The following PTCH1 variants were observed in gnomAD, a reference collection of about 807,000 sequenced individuals.
The protein encoded by PTCH1 is protein patched homolog 1.
PTCH1 carries 14 observed loss-of-function variants against 144.6 expected under a neutral mutation model. The ratio of observed to expected loss-of-function variants is 0.10; its 90% CI spans 0.06 to 0.15. The LOEUF (loss-of-function observed/expected upper bound fraction) is 0.15. Ranked by LOEUF, PTCH1 falls within the 10% of genes least tolerant of loss-of-function variation. The probability of loss-of-function intolerance (pLI) is 1.00; values close to 1 mark genes in which losing one functional copy is unlikely to be tolerated. For synonymous variants in PTCH1, 833 were observed against 793.6 expected, an observed-to-expected ratio of 1.05 and a Z score of -0.83; for missense variants, 1,623 against 1,948.3, an observed-to-expected ratio of 0.83 and a Z score of 3.14.
In PTCH1 at chr9:95,478,156, T is replaced by C. The variant is rs952195482; in HGVS notation, c.1246A>G (p.Thr416Ala). ...GTGGTGAAGGAAAGCACCTTTTGAG[T>C]GGAGTTCTGTGCGACACTCTGATGA... ...VVHQSVAQNSTQKVLSFTTTT... is the reference protein window; with the variant it reads ...VVHQSVAQNSAQKVLSFTTTT... Residue 416 changes from threonine (T) to alanine (A), a missense_variant, in exon 9 of 24, where the codon ACT (threonine) becomes GCT (alanine). This residue lies in a region of PTCH1 where 230 missense variants were observed against 271.0 expected (regional missense o/e 0.85). Transcript: ENST00000331920. The C allele has an allele frequency of 3.1e-6, 5 of 1,613,918 alleles. No individual in the cohort carries two copies. Among genetic ancestry groups the C allele is most frequent in the East Asian group, 2.2e-5 (1 of 44,870 alleles).
At chr9:95,515,640 C>A (rs535797915) in intron 1 of PTCH1, among the ~76,000 whole-genome samples, 2 of 152,308 alleles carry the variant, frequency 1.3e-5, no homozygotes, top group East Asian at 3.9e-4. Context: ...TCGGTCCGGC[C>A]CGCCCCCGGG....
chr9:95,507,835 C>T (rs1371960208), intron 1 of PTCH1: 1 of 958,764 alleles, frequency 1.0e-6, no homozygotes, highest in East Asian at 4.9e-5. Flanking sequence ...GCCGCGGCCG[C>T]CCTTGAGGTG....
At chr9:95,498,663 G>GA (rs572979502) in intron 2 of PTCH1, among the ~76,000 whole-genome samples, 119 of 148,046 alleles carry the variant, frequency 8.0e-4, no homozygotes, top group Non-Finnish European at 1.3e-3. Flanking sequence ...AATTTAAAGA[G>GA]AAAAAAAAAA....
intron 20 of PTCH1, chr9:95,451,006 G>A (rs185238085): frequency 1.7e-4 from 26 of 152,186 alleles, no homozygotes; most frequent in African/African-American, 6.3e-4. Context: ...TTCTGGGAAG[G>A]GGGGGGCAAG....
chr9:95,460,145 C>T lies in PTCH1; in HGVS notation c.2704-362G>A, dbSNP rs142609172. Among the ~76,000 whole-genome samples, 34 of 152,326 alleles carry T rather than the reference C, an allele frequency of 2.2e-4. 1 individual carries two copies. In the East Asian group the frequency reaches 6.2e-3, roughly 28 times the overall value. ...GAAACCTGGCAAGAATCCCCATGCA[C>T]GTCTGTGTGCAGTTAACCTCTGTTG... On this transcript the variant is annotated intron_variant, in intron 16 of 23. Coordinates refer to ENST00000331920, the MANE Select transcript of PTCH1 (RefSeq NM_000264.5).
chr9:95,476,189 C>T lies in PTCH1; in HGVS notation c.1603-30G>A, dbSNP rs1371348375. 6.2e-7 allele frequency: 1 copy of T among 1,601,754 alleles called. No homozygotes were observed. Among genetic ancestry groups the T allele is most frequent in the Admixed American group, 1.7e-5 (1 of 58,694 alleles). Reference sequence around the variant, plus strand: ...GAATAAAAAAACACAGCGCTGAGAGCTGCACTGGACATGGTCCCCTTGGAG... The same window carrying T: ...GAATAAAAAAACACAGCGCTGAGAGTTGCACTGGACATGGTCCCCTTGGAG... On this transcript the variant is annotated intron_variant, in intron 11 of 23. Coordinates refer to ENST00000331920, the MANE Select transcript of PTCH1 (RefSeq NM_000264.5). The surrounding 1 kb of genome is among the most constrained non-coding windows in gnomAD (Gnocchi z 4.6).
rs772406487 is a variant in PTCH1, at chr9:95,458,057, C to T, written c.3124G>A (p.Val1042Met). Residue 1042 changes from valine to methionine, a missense_variant, in exon 18 of 24, where the codon GTG (valine) becomes ATG (methionine). This residue lies in a region of PTCH1 where 504 missense variants were observed against 679.3 expected (regional missense o/e 0.74). Transcript: ENST00000331920. The surrounding 1 kb of genome is among the most constrained non-coding windows in gnomAD (Gnocchi z 4.7). Reference sequence around the variant, plus strand: ...GGGTTCAGAAGGAAGACAGCGCACACGAGGAATGTGCAGGCCAACACCACG... The same window carrying T: ...GGGTTCAGAAGGAAGACAGCGCACATGAGGAATGTGCAGGCCAACACCACG... ...ISVVLACTFLVCAVFLLNPWT... is the reference protein window; with the variant it reads ...ISVVLACTFLMCAVFLLNPWT... 7.4e-6 allele frequency: 12 copies of T among 1,614,052 alleles called. No individual in the cohort carries two copies. Among genetic ancestry groups the T allele is most frequent in the African/African-American group, 2.7e-5 (2 of 74,924 alleles).
At position 95,458,362 on chromosome 9, in the gene PTCH1, G is replaced by C; in HGVS notation, c.2888-69C>G. On this transcript the variant is annotated intron_variant, in intron 17 of 23. Coordinates refer to ENST00000331920, the MANE Select transcript of PTCH1 (RefSeq NM_000264.5). This position sits in a 1 kb window ranked among gnomAD's most constrained non-coding sequence, Gnocchi z 4.7. ...GAGCATCACAGTTTCAATGGAAAGA[G>C]AGAAGAACTTTGCATGAAAGCTTAC... 3 of 1,554,024 alleles carry C rather than the reference G, an allele frequency of 1.9e-6. No individual in the cohort carries two copies. Among genetic ancestry groups the C allele is most frequent in the Non-Finnish European group, 2.6e-6 (3 of 1,142,024 alleles).
chr9:95,506,643 GGCCCGCGCGCCCACGCCC>G (rs766776683), intron 1 of PTCH1, 44 bp from the exon 2 acceptor site: 1 of 1,429,262 alleles, frequency 7.0e-7, no homozygotes, highest in Admixed American at 2.0e-5. Context: ...GGGGAGTCGC[GGCCCGCGCGCCCACGCCC>G]GCTTGCGCGC....
upstream of PTCH1, among the ~76,000 whole-genome samples, chr9:95,512,802 G>A (rs895805942): frequency 5.9e-5 from 9 of 152,136 alleles, no homozygotes; most frequent in African/African-American, 2.2e-4. Flanking sequence ...TCTGCCTCTG[G>A]CACCCCTTGT....
intron 2 of PTCH1, among the ~76,000 whole-genome samples, chr9:95,486,658 C>T (rs142123834): frequency 2.6e-5 from 4 of 152,394 alleles, no homozygotes; most frequent in Non-Finnish European, 4.4e-5. Context: ...CTGGCCAGCA[C>T]GGGGTATGCC....
At chr9:95,511,501 CG>C (rs1844159717), upstream of PTCH1, among the ~76,000 whole-genome samples, 1 of 152,152 alleles carries the variant, frequency 6.6e-6, no homozygotes. Flanking sequence ...TCGCGGGATC[CG>C]GAGGGGGACC....
rs1319951080 is a variant in PTCH1, at chr9:95,445,190, A to C, written c.*1203T>G. 6.6e-6 allele frequency: 1 copy of C among 152,214 alleles called. No homozygotes were observed. The highest frequency in any genetic ancestry group is 1.5e-5 in the Non-Finnish European group (1 of 68,056). 9.4% of individuals were successfully genotyped at this position (152,214 alleles called of 1,614,324 possible). ...CTGCTCCATTTAAGAGAGGGAGTTT[A>C]AACTATAGGGACTCAAAACATCATT... On this transcript the variant is annotated 3_prime_UTR_variant, in exon 24 of 24. Transcript: ENST00000331920.
At chr9:95,498,937 C>T (rs1048592116) in intron 2 of PTCH1, among the ~76,000 whole-genome samples, 4 of 152,144 alleles carry the variant, frequency 2.6e-5, no homozygotes, top group African/African-American at 4.8e-5. Context: ...GGAATTCCAT[C>T]GTCTTCAATC....
At chr9:95,512,596 C>T (rs532577244), upstream of PTCH1, among the ~76,000 whole-genome samples, 1 of 152,294 alleles carries the variant, frequency 6.6e-6, no homozygotes, top group South Asian at 2.1e-4. Context: ...TAATGTTGTT[C>T]CTAATCAATC....
chr9:95,504,503 G>T (rs960526752), intron 2 of PTCH1, among the ~76,000 whole-genome samples: 1 of 152,178 alleles, frequency 6.6e-6, no homozygotes, highest in Non-Finnish European at 1.5e-5. Flanking sequence ...ATCCTCATCC[G>T]ATGGCAACAA....
In PTCH1 at chr9:95,447,043, C is replaced by A; in HGVS notation, c.4213G>T (p.Asp1405Tyr). 1.9e-6 allele frequency: 3 copies of A among 1,614,176 alleles called. No homozygotes were observed. The highest frequency in any genetic ancestry group is 2.5e-6 in the Non-Finnish European group (3 of 1,180,032). The part of the protein sequence containing the change: ...GGLCPGYPET[D>Y]HGLFEDPHVP... ...TGGGGGTCCTCAAACAGGCCGTGGT[C>A]AGTCTCAGGGTAGCCTGGGCAGAGT... The change falls in exon 23 of 24, where the codon GAC (aspartate) becomes TAC (tyrosine). Residue 1405 changes from aspartate (D) to tyrosine (Y), a missense_variant. Coordinates refer to ENST00000331920, the MANE Select transcript of PTCH1 (RefSeq NM_000264.5).
chr9:95,462,106 C>T lies in PTCH1; in HGVS notation c.2561-108G>A, dbSNP rs1013556236. 1.8e-5 allele frequency: 23 copies of T among 1,271,114 alleles called. 1 individual carries two copies. The highest frequency in any genetic ancestry group is 6.9e-6 in the Non-Finnish European group (6 of 872,520). 78.7% of individuals were successfully genotyped at this position (1,271,114 alleles called of 1,614,324 possible). A position where few individuals can be genotyped will look rare whatever the true frequency, so the allele number is the denominator to read the frequency against. On this transcript the variant is annotated intron_variant, in intron 15 of 23. Coordinates refer to ENST00000331920, the MANE Select transcript of PTCH1 (RefSeq NM_000264.5). ...AGCAGGGCAGGGGGCTCTTAGACGT[C>T]CATCAGAAACACACCCTCTGTGTCC... is the stretch of plus-strand genomic sequence containing the variant.
chr9:95,445,434 A>T lies in PTCH1; in HGVS notation c.*959T>A, dbSNP rs1407543663. On this transcript the variant is annotated 3_prime_UTR_variant, in exon 24 of 24. Transcript: ENST00000331920. ...GTCACCGAATTCTCTAACACCCACC[A>T]TGATGAACTGATGTGAGCTCCATAC... 6.6e-6 allele frequency: 1 copy of T among 152,226 alleles called. No homozygotes were observed. Among genetic ancestry groups the T allele is most frequent in the Non-Finnish European group, 1.5e-5 (1 of 68,076 alleles). 9.4% of individuals were successfully genotyped at this position (152,226 alleles called of 1,614,324 possible). A position where few individuals can be genotyped will look rare whatever the true frequency, so the allele number is the denominator to read the frequency against.
Sources: allele counts gnomAD v4.1 joint callset (sites outside exome capture counted in the v4.1 genomes callset), GRCh38; gene constraint gnomAD v4.1.1; regional missense constraint gnomAD v4.1.1; non-coding constraint Gnocchi (gnomAD v3.1); transcripts MANE v1.5; gene names NCBI Gene and HGNC (gene_info 2026-07-23, HGNC 2026-07-21).